Variants in GRIK4 observed in about 807,000 individuals in gnomAD.
GRIK4 encodes the protein glutamate receptor ionotropic, kainate 4.
A neutral mutation model predicts 104.9 loss-of-function variants in GRIK4; 40 were observed. That is an observed-to-expected ratio of 0.38 (90% confidence interval 0.30 to 0.50). The LOEUF is 0.50. Among genes scored for constraint, GRIK4 ranks in the 20% least tolerant of loss-of-function variants. The pLI is 0.93. For synonymous variants in GRIK4, 485 were observed against 524.9 expected (o/e 0.92, Z 1.04); for missense variants, 1,047 against 1,308.1 (o/e 0.80, Z 3.08).
intron 4 of GRIK4, among the ~76,000 whole-genome samples, chr11:120,810,453 A>G (rs1171893659): frequency 4.6e-5 from 7 of 152,192 alleles, no homozygotes; most frequent in African/African-American, 1.7e-4. Context: ...TGCTGTGAAT[A>G]TAGGGAGGGA....
chr11:120,938,004 C>T (rs915807661), intron 13 of GRIK4, among the ~76,000 whole-genome samples: 4 of 152,116 alleles, frequency 2.6e-5, no homozygotes, highest in African/African-American at 4.8e-5. Flanking sequence ...ATGGATGCCA[C>T]GTTTACCTCA....
intron 1 of GRIK4, among the ~76,000 whole-genome samples, chr11:120,590,810 T>G (rs779181982): frequency 1.3e-4 from 20 of 152,090 alleles, no homozygotes; most frequent in Non-Finnish European, 1.8e-4. Context: ...TGCTAAGTGA[T>G]TTATACAGAT....
rs1380411424 is a variant in GRIK4, at chr11:120,580,928, T to A, written c.-159+69041T>A. Among the ~76,000 whole-genome samples the A allele has an allele frequency of 2.0e-5, 3 of 152,314 alleles. No individual in the cohort carries two copies. The East Asian group carries it at 5.8e-4, about 29-fold the overall frequency. ...TTGCTTTGCATCCTCACTAGTATTA[T>A]CCTTAAAACAAATCTTAAAAATTTT... is the stretch of plus-strand genomic sequence containing the variant. On this transcript the variant is annotated intron_variant, in intron 1 of 20. Coordinates refer to ENST00000527524, the MANE Select transcript of GRIK4 (RefSeq NM_014619.5).
chr11:120,539,084 G>C (rs761269750), intron 1 of GRIK4, among the ~76,000 whole-genome samples: 2 of 152,224 alleles, frequency 1.3e-5, no homozygotes, highest in Non-Finnish European at 2.9e-5. Context: ...ACTGCAGCTG[G>C]GGGGAACTCT....
At chr11:120,740,013 A>G (rs1277983788) in intron 3 of GRIK4, among the ~76,000 whole-genome samples, 1 of 152,168 alleles carries the variant, frequency 6.6e-6, no homozygotes, top group East Asian at 1.9e-4. Context: ...TGGTGGCCAA[A>G]GGCTGTGTTT....
chr11:120,691,604 A>G (rs1425941049), intron 3 of GRIK4, among the ~76,000 whole-genome samples: 2 of 152,162 alleles, frequency 1.3e-5, no homozygotes, highest in Admixed American at 6.5e-5. Context: ...AGAAAGTAGG[A>G]GAGAGGGGTT....
intron 1 of GRIK4, among the ~76,000 whole-genome samples, chr11:120,518,627 T>A (rs891162623): frequency 4.6e-5 from 7 of 152,092 alleles, no homozygotes; most frequent in Admixed American, 4.6e-4. Context: ...CTTTTTAAAA[T>A]TTTTTAAATA....
At chr11:120,562,468 C>T (rs1361646633) in intron 1 of GRIK4, among the ~76,000 whole-genome samples, 1 of 152,084 alleles carries the variant, frequency 6.6e-6, no homozygotes, top group Non-Finnish European at 1.5e-5. Flanking sequence ...GAGGTGATGC[C>T]TGAGCTGAGC....
chr11:120,978,187 G>A (rs1000681096), intron 19 of GRIK4, among the ~76,000 whole-genome samples: 5 of 152,142 alleles, frequency 3.3e-5, no homozygotes, highest in African/African-American at 1.2e-4. Flanking sequence ...GTTGAACAAG[G>A]CATGGTTCTT....
intron 3 of GRIK4, among the ~76,000 whole-genome samples, chr11:120,755,247 G>A (rs542498091): frequency 1.6e-3 from 242 of 152,238 alleles, no homozygotes; most frequent in Non-Finnish European, 2.9e-3. Context: ...TGCACCATGG[G>A]AGCCAAGGGC....
chr11:120,919,173 G>C (rs755956765), intron 13 of GRIK4, among the ~76,000 whole-genome samples: 1 of 152,002 alleles, frequency 6.6e-6, no homozygotes. Context: ...GAGAGTTGCC[G>C]GCAGAGGGAA....
intron 6 of GRIK4, among the ~76,000 whole-genome samples, chr11:120,825,654 C>T (rs970456654): frequency 3.3e-5 from 5 of 152,158 alleles, no homozygotes; most frequent in East Asian, 1.9e-4. Context: ...TCAAAGAGAA[C>T]GGCAGGATAC....
At chr11:120,814,936 CGCCT>C (rs1198282251) in intron 4 of GRIK4, among the ~76,000 whole-genome samples, 4 of 152,348 alleles carry the variant, frequency 2.6e-5, no homozygotes, top group Admixed American at 2.0e-4. Context: ...TTCATACCCC[CGCCT>C]GCCTGCCTGC....
At chr11:120,927,437 C>CAT (rs1943373084) in intron 13 of GRIK4, among the ~76,000 whole-genome samples, 1 of 151,772 alleles carries the variant, frequency 6.6e-6, no homozygotes, top group Non-Finnish European at 1.5e-5. Flanking sequence ...TGTGGTGGTG[C>CAT]GTGCCTGTAG....
intron 19 of GRIK4, among the ~76,000 whole-genome samples, chr11:120,979,322 C>G (rs981981888): frequency 4.6e-5 from 7 of 152,064 alleles, no homozygotes; most frequent in African/African-American, 1.7e-4. Context: ...TTGCAACATT[C>G]TTTTGTATGT....
chr11:120,641,639 A>G (rs1949473468), intron 1 of GRIK4, among the ~76,000 whole-genome samples: 1 of 152,200 alleles, frequency 6.6e-6, no homozygotes, highest in Admixed American at 6.5e-5. Flanking sequence ...ATGCTAATGC[A>G]TTATAATAGG....
intron 1 of GRIK4, among the ~76,000 whole-genome samples, chr11:120,596,817 TG>T (rs2135122199): frequency 6.6e-6 from 1 of 152,092 alleles, no homozygotes; most frequent in African/African-American, 2.4e-5. Context: ...CTCCGCCTCC[TG>T]GGTTCAAGTG....
At chr11:120,688,424 G>A (rs1950307040) in intron 3 of GRIK4, among the ~76,000 whole-genome samples, 1 of 152,194 alleles carries the variant, frequency 6.6e-6, no homozygotes, top group Non-Finnish European at 1.5e-5. Context: ...CCAACTAGGA[G>A]CAAACACTGT....
chr11:120,789,815 T>A (rs908732769), intron 3 of GRIK4, among the ~76,000 whole-genome samples: 1 of 152,114 alleles, frequency 6.6e-6, no homozygotes, highest in African/African-American at 2.4e-5. Flanking sequence ...CTCACTCCCC[T>A]CCTTCAAGGC....
Sources: allele counts gnomAD v4.1 joint callset (sites outside exome capture counted in the v4.1 genomes callset), GRCh38; gene constraint gnomAD v4.1.1; transcripts MANE v1.5; gene names NCBI Gene and HGNC (gene_info 2026-07-23, HGNC 2026-07-21).